TMTC4: variants seen among roughly 807,000 people sequenced by gnomAD.
TMTC4 encodes protein O-mannosyl-transferase TMTC4.
TMTC4 carries 65 observed loss-of-function variants against 86.0 expected under a neutral mutation model. The ratio of observed to expected loss-of-function variants is 0.76; its 90% CI spans 0.62 to 0.93. TMTC4 has a LOEUF of 0.93. TMTC4 is among the 40% of genes least tolerant of loss of function. The pLI is 0.00. For synonymous variants in TMTC4, 379 were observed against 382.5 expected, an observed-to-expected ratio of 0.99 and a Z score of 0.11; for missense variants, 866 against 948.1, an observed-to-expected ratio of 0.91 and a Z score of 1.14.
chr13:100,665,459 C>T (rs1456703558), intron 3 of TMTC4, among the ~76,000 whole-genome samples: 1 of 152,222 alleles, frequency 6.6e-6, no homozygotes, highest in African/African-American at 2.4e-5. Context: ...ACAGACCCTC[C>T]TGTGGCCTGG....
upstream of TMTC4, chr13:100,674,933 GC>G (rs1188764217): frequency 1.0e-6 from 1 of 985,000 alleles, no homozygotes; most frequent in Non-Finnish European, 1.2e-6. Context: ...CGCCCCCTCC[GC>G]CCGACCATTG....
intron 15 of TMTC4, 37 bp downstream of exon 15, chr13:100,625,498 T>G (rs1284286762): frequency 6.2e-7 from 1 of 1,609,784 alleles, no homozygotes; most frequent in Non-Finnish European, 8.5e-7. Flanking sequence ...AAATAACCCA[T>G]CTTTCCTTCC....
intron 3 of TMTC4, 150 bp from the exon 4 acceptor site, chr13:100,664,486 T>C (rs190205461): frequency 1.3e-5 from 7 of 557,730 alleles, no homozygotes; most frequent in Middle Eastern, 4.8e-4. Context: ...GAAATACACA[T>C]GGGCTCACCC....
chr13:100,639,995 G>A (rs1169200800), intron 7 of TMTC4, among the ~76,000 whole-genome samples: 1 of 151,984 alleles, frequency 6.6e-6, no homozygotes, highest in Non-Finnish European at 1.5e-5. Context: ...GTACTGCACA[G>A]AGGAGCCTCC....
At chr13:100,644,446 C>A (rs985882619) in intron 6 of TMTC4, among the ~76,000 whole-genome samples, 3 of 152,042 alleles carry the variant, frequency 2.0e-5, no homozygotes, top group Non-Finnish European at 4.4e-5. Context: ...GGGGTTGAGA[C>A]CCTGTCAAGA....
At chr13:100,651,201 A>G (rs1026476535) in intron 6 of TMTC4, among the ~76,000 whole-genome samples, 2 of 152,228 alleles carry the variant, frequency 1.3e-5, no homozygotes, top group Non-Finnish European at 2.9e-5. Context: ...TTAAGGTATC[A>G]GTTTAGAAAC....
intron 12 of TMTC4, among the ~76,000 whole-genome samples, chr13:100,631,632 A>T (rs1001643366): frequency 2.0e-5 from 3 of 152,158 alleles, no homozygotes; most frequent in African/African-American, 7.2e-5. Flanking sequence ...CACTACCTAC[A>T]CTGACATTGC....
Position 100,603,693 on chromosome 13 carries a change from C to T in TMTC4, c.*1301G>A, listed in dbSNP as rs1245479660. ...GAAGTTACAATCACTGACTGAAACA[C>T]TACACAGACCTGCCCCCAACACGTG... is the stretch of plus-strand genomic sequence containing the variant. On this transcript the variant is annotated 3_prime_UTR_variant, in exon 19 of 19. Transcript: ENST00000342624. 2.0e-5 allele frequency among the ~76,000 whole-genome samples: 3 copies of T among 152,164 alleles called. No homozygotes were observed. Among genetic ancestry groups the T allele is most frequent in the Admixed American group, 1.3e-4 (2 of 15,278 alleles).
At chr13:100,627,584 C>T (rs1880747594) in intron 12 of TMTC4, among the ~76,000 whole-genome samples, 1 of 152,196 alleles carries the variant, frequency 6.6e-6, no homozygotes, top group Non-Finnish European at 1.5e-5. Context: ...CTTCTCCTGT[C>T]TTAAAAGGAC....
At chr13:100,634,712 A>T in intron 12 of TMTC4, 93 bp downstream of exon 12, 1 of 1,483,644 alleles carries the variant, frequency 6.7e-7, no homozygotes. Context: ...TCTTACACTA[A>T]ATACTGCGCG....
chr13:100,615,652 G>A (rs551523362), intron 15 of TMTC4, among the ~76,000 whole-genome samples: 1 of 151,124 alleles, frequency 6.6e-6, no homozygotes, highest in East Asian at 2.0e-4. Flanking sequence ...GGGGTTTCAC[G>A]ATGTTGCCCA....
intron 5 of TMTC4, among the ~76,000 whole-genome samples, chr13:100,661,582 C>T (rs1412207456): frequency 6.6e-6 from 1 of 152,086 alleles, no homozygotes; most frequent in Non-Finnish European, 1.5e-5. Context: ...AAGTCTAATT[C>T]GGTCACAGTT....
In TMTC4 at chr13:100,636,494, A is replaced by G. The variant is rs758387905; in HGVS notation, c.1202+38T>C. 3.1e-6 allele frequency: 5 copies of G among 1,610,766 alleles called. No homozygotes were observed. In the South Asian group the frequency reaches 5.5e-5, roughly 18 times the overall value. ...GGATTTCACAAAACGCTTCTGACTC[A>G]ACCAGCGTGGAACTTAAGATTCAGT... On this transcript the variant is annotated intron_variant, in intron 10 of 18. Coordinates refer to ENST00000342624, the MANE Select transcript of TMTC4 (RefSeq NM_032813.5).
At chr13:100,608,142 T>A (rs942945343) in intron 17 of TMTC4, among the ~76,000 whole-genome samples, 1 of 152,162 alleles carries the variant, frequency 6.6e-6, no homozygotes, top group South Asian at 2.1e-4. Context: ...GATAAAAAGT[T>A]AGGAGTTTTC....
In TMTC4 at chr13:100,604,458, T is replaced by G. The variant is rs549088774; in HGVS notation, c.*536A>C. On this transcript the variant is annotated 3_prime_UTR_variant, in exon 19 of 19. Coordinates refer to ENST00000342624, the MANE Select transcript of TMTC4 (RefSeq NM_032813.5). ...TTCCTCATTCGATTATTTGCCCTAT[T>G]CAAAACATAAAAATACAAATAAATA... 6.6e-6 allele frequency: 1 copy of G among 152,326 alleles called. No individual in the cohort carries two copies. The highest frequency in any genetic ancestry group is 1.5e-5 in the Non-Finnish European group (1 of 68,052). 9.4% of individuals were successfully genotyped at this position (152,326 alleles called of 1,614,324 possible).
rs1181358038 is a variant in TMTC4 at position 100,626,155 on chromosome 13, A to G, written c.1507-5T>C. The G allele has an allele frequency of 6.2e-7, 1 of 1,614,028 alleles. No individual in the cohort carries two copies. Among genetic ancestry groups the G allele is most frequent in the Non-Finnish European group, 8.5e-7 (1 of 1,180,008 alleles). ...TTTGCCAATGTTGTAGTGAACCTGC[A>G]GACAGAGAATAATTGGGCCATCAGC... On this transcript the variant is annotated splice_polypyrimidine_tract_variant and splice_region_variant and intron_variant, in intron 12 of 18. Coordinates refer to ENST00000342624, the MANE Select transcript of TMTC4 (RefSeq NM_032813.5).
chr13:100,634,850 T>C lies in TMTC4; in HGVS notation c.1461A>G (p.Glu487=). 1 of 1,614,178 alleles carries C rather than the reference T, an allele frequency of 6.2e-7. No individual in the cohort carries two copies. The highest frequency in any genetic ancestry group is 8.5e-7 in the Non-Finnish European group (1 of 1,180,032). The change falls in exon 12 of 19, where the codon GAA becomes GAG. Residue 487 remains glutamate (E), a synonymous_variant. Coordinates refer to ENST00000342624, the MANE Select transcript of TMTC4 (RefSeq NM_032813.5). ...VLRSGEWRSE[E]QLFRSALSVC... ...CAGACAGAGCACTTCTGAAAAGCTG[T>C]TCCTCACTCCGCCACTCGCCGCTGC... is the stretch of plus-strand genomic sequence containing the variant.
chr13:100,630,614 A>G (rs1365810352), intron 12 of TMTC4, among the ~76,000 whole-genome samples: 2 of 152,208 alleles, frequency 1.3e-5, no homozygotes, highest in African/African-American at 4.8e-5. Context: ...CTAGGGCCGG[A>G]GAATCCAATC....
intron 15 of TMTC4, among the ~76,000 whole-genome samples, chr13:100,616,185 T>C (rs538002630): frequency 1.3e-5 from 2 of 152,170 alleles, no homozygotes; most frequent in East Asian, 1.9e-4. Flanking sequence ...TGAATAGTGA[T>C]TGATGAACAT....
Sources: gnomAD v4.1 joint callset for allele counts (sites outside exome capture counted in the v4.1 genomes callset) on GRCh38, gnomAD v4.1.1 for gene constraint, MANE v1.5 for transcripts, NCBI Gene and HGNC (gene_info 2026-07-23, HGNC 2026-07-21) for gene names.